Variants in OTUD7A observed in about 807,000 individuals in gnomAD.
OTUD7A encodes the protein OTU deubiquitinase 7A, also known as OTU domain-containing protein 7A.
Under a neutral mutation model 65.7 loss-of-function variants are expected in OTUD7A, and 12 were observed. The observed-to-expected ratio is 0.18, with a 90% CI of 0.12 to 0.30. The LOEUF (loss-of-function observed/expected upper bound fraction) is 0.30, where lower values mean the gene tolerates loss of function less well. Ranked by LOEUF, OTUD7A falls within the 10% of genes least tolerant of loss-of-function variation. The probability of loss-of-function intolerance (pLI) is 1.00; values close to 1 mark genes in which losing one functional copy is unlikely to be tolerated. For missense variants in OTUD7A, 1,148 were observed against 1,304.8 expected, an observed-to-expected ratio of 0.88 and a Z score of 1.85; for synonymous variants, 641 against 586.3, an observed-to-expected ratio of 1.09 and a Z score of -1.35.
At chr15:31,806,373 T>C (rs985236951) in intron 1 of OTUD7A, among the ~76,000 whole-genome samples, 2 of 152,252 alleles carry the variant, frequency 1.3e-5, no homozygotes, top group African/African-American at 2.4e-5. Flanking sequence ...ACCAATGTTA[T>C]TGGCAACACA....
intron 1 of OTUD7A, among the ~76,000 whole-genome samples, chr15:31,751,689 A>G (rs1894640344): frequency 1.3e-5 from 2 of 152,216 alleles, no homozygotes. Context: ...ATGGACTGAA[A>G]AAAGAAAATG....
chr15:31,533,428 A>G (rs12910809), intron 5 of OTUD7A, among the ~76,000 whole-genome samples: 59,951 of 151,666 alleles, frequency 0.4, 12,365 homozygotes, highest in East Asian at 0.68. Context: ...GTAGAGATAG[A>G]GTTTTACCAT....
intron 1 of OTUD7A, among the ~76,000 whole-genome samples, chr15:31,851,211 G>A (rs1269292108): frequency 1.3e-5 from 2 of 152,218 alleles, no homozygotes; most frequent in Admixed American, 6.5e-5. Context: ...GGATTAGGTA[G>A]AAGGTAGATT....
At chr15:31,732,403 C>G (rs1894069043) in intron 1 of OTUD7A, among the ~76,000 whole-genome samples, 2 of 152,184 alleles carry the variant, frequency 1.3e-5, no homozygotes, top group South Asian at 4.1e-4. Flanking sequence ...TACATGTGGC[C>G]TCCTAGTTGT....
intron 1 of OTUD7A, among the ~76,000 whole-genome samples, chr15:31,725,556 T>A (rs1487786171): frequency 6.6e-6 from 1 of 152,190 alleles, no homozygotes; most frequent in Non-Finnish European, 1.5e-5. Flanking sequence ...AAAGACTGAA[T>A]CAAATATTCA....
intron 1 of OTUD7A, among the ~76,000 whole-genome samples, chr15:31,799,490 G>A (rs1190996694): frequency 6.6e-6 from 1 of 152,090 alleles, no homozygotes; most frequent in African/African-American, 2.4e-5. Flanking sequence ...ATGAGGGTGG[G>A]GCCCCCATGA....
chr15:31,770,768 ATTATG>A (rs1198287144), intron 1 of OTUD7A, among the ~76,000 whole-genome samples: 1 of 152,254 alleles, frequency 6.6e-6, no homozygotes, highest in Non-Finnish European at 1.5e-5. Flanking sequence ...AAATAATGAT[ATTATG>A]TTAACAGAAT....
Position 31,483,218 on chromosome 15 carries a change from T to C in OTUD7A, c.*76A>G, listed in dbSNP as rs2041159653. 2.9e-6 allele frequency: 3 copies of C among 1,040,090 alleles called. No homozygotes were observed. Among genetic ancestry groups the C allele is most frequent in the Admixed American group, 5.5e-5 (1 of 18,216 alleles). 64.4% of individuals were successfully genotyped at this position (1,040,090 alleles called of 1,614,324 possible). ...GCCGGCCTTCCGGTGGACCAGGGCA[T>C]GTAAAAAAGACACCGACACAATGGA... On this transcript the variant is annotated 3_prime_UTR_variant, in exon 13 of 13. Coordinates refer to ENST00000307050, the MANE Select transcript of OTUD7A (RefSeq NM_001382637.1).
intron 4 of OTUD7A, 28 bp from the exon 5 acceptor site, chr15:31,559,215 C>T (rs761119477): frequency 3.1e-6 from 5 of 1,600,202 alleles, no homozygotes; most frequent in Non-Finnish European, 4.3e-6. Context: ...AAGATAGCCC[C>T]AAGGGCTGAG....
At chr15:31,501,591 G>T (rs886773928) in intron 10 of OTUD7A, 99 bp downstream of exon 10, 1 of 1,479,310 alleles carries the variant, frequency 6.8e-7, no homozygotes, top group Admixed American at 1.8e-5. Context: ...TTCTAAGGGG[G>T]GGTCTCCACA....
intron 1 of OTUD7A, among the ~76,000 whole-genome samples, chr15:31,860,718 T>TATATATATATATATATATATATA (rs1216011574): frequency 7.1e-6 from 1 of 141,278 alleles, no homozygotes; most frequent in Non-Finnish European, 1.5e-5. Context: ...TATATATATA[T>TATATATATATATATATATATATA]TTTTTGGGAC....
At chr15:31,795,306 G>A (rs911428618) in intron 1 of OTUD7A, among the ~76,000 whole-genome samples, 1 of 152,126 alleles carries the variant, frequency 6.6e-6, no homozygotes, top group Non-Finnish European at 1.5e-5. Flanking sequence ...CCTTGTCTTC[G>A]GGAAGGTTGA....
chr15:31,527,626 T>C (rs550007957), intron 6 of OTUD7A, among the ~76,000 whole-genome samples: 9 of 152,372 alleles, frequency 5.9e-5, no homozygotes, highest in East Asian at 1.9e-4. Flanking sequence ...ATGGTCATTA[T>C]TCAAGTCTTA....
At chr15:31,511,731 T>C (rs1209679805) in intron 8 of OTUD7A, among the ~76,000 whole-genome samples, 1 of 147,956 alleles carries the variant, frequency 6.8e-6, no homozygotes, top group South Asian at 2.1e-4. Context: ...TATCTATATG[T>C]AACACACATA....
At chr15:31,752,010 T>G (rs1006843466) in intron 1 of OTUD7A, among the ~76,000 whole-genome samples, 1 of 152,128 alleles carries the variant, frequency 6.6e-6, no homozygotes, top group Non-Finnish European at 1.5e-5. Flanking sequence ...AATATACCCT[T>G]GTAACAAACC....
intron 1 of OTUD7A, among the ~76,000 whole-genome samples, chr15:31,756,675 CACACACACACT>C: frequency 1.0e-5 from 1 of 98,512 alleles, no homozygotes; most frequent in Non-Finnish European, 2.3e-5. Context: ...CACACACACA[CACACACACACT>C]GCTTTTAGTA....
intron 1 of OTUD7A, chr15:31,767,982 T>G: frequency 6.3e-7 from 1 of 1,576,726 alleles, no homozygotes; most frequent in Non-Finnish European, 8.7e-7. Context: ...AGAAATTTCC[T>G]CAACAGTTGT....
At chr15:31,805,597 A>G (rs564359627) in intron 1 of OTUD7A, among the ~76,000 whole-genome samples, 1 of 152,338 alleles carries the variant, frequency 6.6e-6, no homozygotes, top group African/African-American at 2.4e-5. Flanking sequence ...TTTGGAACTG[A>G]CAGATTTGTA....
rs536226263 is a variant in OTUD7A, at chr15:31,624,052, C to T, written c.151+31044G>A. Among the ~76,000 whole-genome samples the T allele has an allele frequency of 3.9e-5, 6 of 152,314 alleles. No homozygotes were observed. In the South Asian group the frequency reaches 1.2e-3, roughly 32 times the overall value. On this transcript the variant is annotated intron_variant, in intron 3 of 12. Transcript: ENST00000307050. ...AAATATTTTGACTTTGTCTTATTGG[C>T]TTTGCTTTGTAGTAGGTTTTGCAGT...
Sources: gnomAD v4.1 joint callset for allele counts (sites outside exome capture counted in the v4.1 genomes callset) on GRCh38, gnomAD v4.1.1 for gene constraint, MANE v1.5 for transcripts, NCBI Gene and HGNC (gene_info 2026-07-23, HGNC 2026-07-21) for gene names.